The following ENTPD3 variants were observed in gnomAD, a reference collection of about 807,000 sequenced individuals.
ENTPD3 encodes CD39 antigen-like 3.
In ENTPD3, 60 loss-of-function variants were observed where a neutral mutation model predicts 51.2. The observed-to-expected ratio is 1.17, with a 90% CI of 0.95 to 1.45. The LOEUF (loss-of-function observed/expected upper bound fraction) is 1.45. Among genes scored for constraint, ENTPD3 ranks in the 40% most tolerant of loss-of-function variants. The pLI, the probability that ENTPD3 is intolerant of heterozygous loss-of-function variation, is 0.00. For synonymous variants in ENTPD3, 221 were observed against 238.4 expected (o/e 0.93, Z 0.67); for missense variants, 593 against 641.1 (o/e 0.93, Z 0.81).
At chr3:40,400,426 C>T (rs961446684) in intron 3 of ENTPD3, among the ~76,000 whole-genome samples, 2 of 152,030 alleles carry the variant, frequency 1.3e-5, no homozygotes, top group South Asian at 2.1e-4. Context: ...CCGTCTGAGA[C>T]GAAGATGGCT....
intron 4 of ENTPD3, among the ~76,000 whole-genome samples, chr3:40,404,527 C>G (rs1955447414): frequency 6.6e-6 from 1 of 152,126 alleles, no homozygotes; most frequent in Non-Finnish European, 1.5e-5. Context: ...ATGGCAGTCC[C>G]TCAGGGGAAG....
At chr3:40,421,171 G>A (rs1483124231) in intron 7 of ENTPD3, among the ~76,000 whole-genome samples, 3 of 151,708 alleles carry the variant, frequency 2.0e-5, no homozygotes, top group East Asian at 1.9e-4. Flanking sequence ...CTACAGGTGC[G>A]TGCCACCACG....
At chr3:40,393,037 C>A (rs748167116) in intron 3 of ENTPD3, among the ~76,000 whole-genome samples, 1 of 151,864 alleles carries the variant, frequency 6.6e-6, no homozygotes, top group Non-Finnish European at 1.5e-5. Flanking sequence ...GTCCCAGAGG[C>A]CCCTCTTAGT....
In ENTPD3 at chr3:40,414,918, C is replaced by T. The variant is rs145439935; in HGVS notation, c.597+78C>T. 5 of 1,461,012 alleles carry T rather than the reference C, an allele frequency of 3.4e-6. No homozygotes were observed. The African/African-American group carries it at 6.9e-5, about 20-fold the overall frequency. 90.5% of individuals were successfully genotyped at this position (1,461,012 alleles called of 1,614,324 possible). On this transcript the variant is annotated intron_variant, in intron 6 of 10. Transcript: ENST00000301825. ...GTGAGTGATAGCCTAAGTAGAGGTA[C>T]ATGCCATCAGGGATATCTGCCCTGT...
chr3:40,414,905 C>G, intron 6 of ENTPD3, 65 bp downstream of exon 6: 3 of 1,534,866 alleles, frequency 2.0e-6, no homozygotes, highest in Admixed American at 3.4e-5. Context: ...GAGTGATAGC[C>G]TAAGTAGAGG....
chr3:40,397,364 T>G (rs1955230078), intron 3 of ENTPD3, among the ~76,000 whole-genome samples: 1 of 151,920 alleles, frequency 6.6e-6, no homozygotes, highest in African/African-American at 2.4e-5. Context: ...TTGGTTTCCT[T>G]GGAGCTCAGT....
rs1328320414 is a variant in ENTPD3 at position 40,401,583 on chromosome 3, G to A, written c.286+572G>A. The stretch of plus-strand genomic sequence containing the variant: ...ATAGCTGTCTTCCAGCAGTGATAAG[G>A]AGTAGTCCTGTGTATTGATGGCGAG... On this transcript the variant is annotated intron_variant, in intron 4 of 10. Coordinates refer to ENST00000301825, the MANE Select transcript of ENTPD3 (RefSeq NM_001248.4). Among the ~76,000 whole-genome samples the A allele has an allele frequency of 1.2e-4, 18 of 152,228 alleles. 1 individual carries two copies. Among genetic ancestry groups the A allele is most frequent in the Non-Finnish European group, 2.5e-4 (17 of 68,046 alleles).
Position 40,428,258 on chromosome 3 carries a change from T to C in ENTPD3, c.*750T>C, listed in dbSNP as rs967806650. The C allele has an allele frequency of 3.9e-5, 6 of 152,242 alleles. No homozygotes were observed. The highest frequency in any genetic ancestry group is 6.5e-5 in the Admixed American group (1 of 15,280). 9.4% of individuals were successfully genotyped at this position (152,242 alleles called of 1,614,324 possible). ...AACACATTGATCCCTAGCAAGATTA[T>C]TGCATTCCAGATTTTACTGCCTTTG... is the stretch of plus-strand genomic sequence containing the variant. On this transcript the variant is annotated 3_prime_UTR_variant, in exon 11 of 11. Coordinates refer to ENST00000301825, the MANE Select transcript of ENTPD3 (RefSeq NM_001248.4).
At chr3:40,412,544 A>C (rs895022520) in intron 5 of ENTPD3, among the ~76,000 whole-genome samples, 1 of 152,256 alleles carries the variant, frequency 6.6e-6, no homozygotes, top group South Asian at 2.1e-4. Context: ...TCTCCATTAT[A>C]GCATTTCCTT....
chr3:40,398,720 C>G (rs1164684231), intron 3 of ENTPD3, among the ~76,000 whole-genome samples: 2 of 152,054 alleles, frequency 1.3e-5, no homozygotes, highest in African/African-American at 4.8e-5. Context: ...GCTGGAGCAA[C>G]TTTTTAAAAA....
At chr3:40,411,739 T>G (rs1354651961) in intron 4 of ENTPD3, 73 bp from the exon 5 acceptor site, 1 of 1,464,416 alleles carries the variant, frequency 6.8e-7, no homozygotes, top group Non-Finnish European at 9.1e-7. Flanking sequence ...GCCAATTTGT[T>G]TTTTATTTAA....
chr3:40,419,571 T>G (rs1955818833), intron 7 of ENTPD3, among the ~76,000 whole-genome samples: 1 of 152,192 alleles, frequency 6.6e-6, no homozygotes, highest in African/African-American at 2.4e-5. Flanking sequence ...TGCAATCACA[T>G]TGATTCATAT....
At chr3:40,404,717 G>T (rs1365506330) in intron 4 of ENTPD3, among the ~76,000 whole-genome samples, 1 of 152,204 alleles carries the variant, frequency 6.6e-6, no homozygotes, top group African/African-American at 2.4e-5. Flanking sequence ...TTGAAGGTCA[G>T]CAAGTGTCAT....
At chr3:40,405,563 T>C (rs750890467) in intron 4 of ENTPD3, among the ~76,000 whole-genome samples, 4 of 152,122 alleles carry the variant, frequency 2.6e-5, no homozygotes, top group Non-Finnish European at 5.9e-5. Context: ...TGCGTGTCTT[T>C]GGCTTCTGTT....
chr3:40,419,446 A>G (rs1216637597), intron 7 of ENTPD3, among the ~76,000 whole-genome samples: 1 of 152,140 alleles, frequency 6.6e-6, no homozygotes, highest in African/African-American at 2.4e-5. Flanking sequence ...TTTGGGGCCA[A>G]TATCATGTTG....
chr3:40,387,566 C>A (rs1032688477), intron 1 of ENTPD3, among the ~76,000 whole-genome samples: 1 of 152,094 alleles, frequency 6.6e-6, no homozygotes, highest in Non-Finnish European at 1.5e-5. Flanking sequence ...GGGGCTGGAT[C>A]CCAGGGCCCC....
chr3:40,418,216 A>G (rs1045476696), intron 7 of ENTPD3, among the ~76,000 whole-genome samples: 3 of 152,170 alleles, frequency 2.0e-5, no homozygotes, highest in Non-Finnish European at 4.4e-5. Flanking sequence ...GATGCCTGAT[A>G]GGGTGGCTCT....
At chr3:40,389,723 T>A in intron 2 of ENTPD3, among the ~76,000 whole-genome samples, 1 of 152,222 alleles carries the variant, frequency 6.6e-6, no homozygotes, top group East Asian at 1.9e-4. Context: ...TTCTGAGCCA[T>A]GAAGACCTAC....
At chr3:40,393,813 G>A (rs566724903) in intron 3 of ENTPD3, among the ~76,000 whole-genome samples, 3 of 152,158 alleles carry the variant, frequency 2.0e-5, no homozygotes, top group East Asian at 1.9e-4. Context: ...GGGAGGCCGA[G>A]GCGGGCGGAT....
Sources: gnomAD v4.1 joint callset for allele counts (sites outside exome capture counted in the v4.1 genomes callset) on GRCh38, gnomAD v4.1.1 for gene constraint, MANE v1.5 for transcripts, NCBI Gene and HGNC (gene_info 2026-07-23, HGNC 2026-07-21) for gene names.